HPSE2: variants seen among roughly 807,000 people sequenced by gnomAD.
HPSE2 encodes inactive heparanase-2.
In HPSE2, 38 loss-of-function variants were observed where a neutral mutation model predicts 60.5. The ratio of observed to expected loss-of-function variants is 0.63; its 90% confidence interval spans 0.48 to 0.82. The LOEUF (loss-of-function observed/expected upper bound fraction) is 0.82. HPSE2 is among the 40% of genes least tolerant of loss of function. HPSE2 has a pLI of 0.00. For synonymous variants in HPSE2, 295 were observed against 293.2 expected (o/e 1.01, Z -0.06); for missense variants, 713 against 740.4 (o/e 0.96, Z 0.43).
chr10:98,765,127 T>G (rs1039408169), intron 3 of HPSE2, among the ~76,000 whole-genome samples: 1 of 152,122 alleles, frequency 6.6e-6, no homozygotes, highest in African/African-American at 2.4e-5. Flanking sequence ...ATAGAACAAG[T>G]AGATGGAGAC....
At chr10:99,155,008 G>A (rs2135812800) in intron 2 of HPSE2, among the ~76,000 whole-genome samples, 1 of 150,844 alleles carries the variant, frequency 6.6e-6, no homozygotes, top group African/African-American at 2.4e-5. Context: ...GACAAAGAAG[G>A]ACATTACATA....
At chr10:99,028,694 A>T (rs900402644) in intron 3 of HPSE2, among the ~76,000 whole-genome samples, 39 of 152,214 alleles carry the variant, frequency 2.6e-4, no homozygotes, top group Admixed American at 1.3e-3. Context: ...CTAAGCAAAA[A>T]GAATAAAATT....
At chr10:99,305,979 G>GCGCGCGCACGCACACACACA in the HPSE2 span, among the ~76,000 whole-genome samples, 1 of 80,580 alleles carries the variant, frequency 1.2e-5, no homozygotes, top group East Asian at 3.7e-4. Flanking sequence ...GCGCGCGCGC[G>GCGCGCGCACGCACACACACA]CACACACACA....
intron 9 of HPSE2, among the ~76,000 whole-genome samples, chr10:98,491,223 T>A (rs1020746956): frequency 5.3e-5 from 8 of 151,888 alleles, no homozygotes; most frequent in African/African-American, 1.5e-4. Flanking sequence ...TTTTTTTTCT[T>A]GTGTGGTCAT....
intron 2 of HPSE2, among the ~76,000 whole-genome samples, chr10:99,154,044 T>C (rs1420468269): frequency 1.3e-5 from 2 of 150,534 alleles, no homozygotes; most frequent in Non-Finnish European, 3.0e-5. Context: ...AGAAGGGAAG[T>C]TTAGAGAAAA....
intron 3 of HPSE2, among the ~76,000 whole-genome samples, chr10:98,852,025 G>A (rs74352349): frequency 7.3e-5 from 11 of 151,602 alleles, no homozygotes; most frequent in South Asian, 2.1e-4. Flanking sequence ...CAGCACTACC[G>A]GTGTCCAGCT....
chr10:99,179,071 C>G (rs368343336), intron 2 of HPSE2, among the ~76,000 whole-genome samples: 3 of 152,114 alleles, frequency 2.0e-5, no homozygotes, highest in African/African-American at 7.2e-5. Context: ...ATTCAACACC[C>G]CTTCATGCTA....
intron 11 of HPSE2, among the ~76,000 whole-genome samples, chr10:98,480,385 G>T (rs1235411793): frequency 6.6e-6 from 1 of 152,110 alleles, no homozygotes; most frequent in Non-Finnish European, 1.5e-5. Flanking sequence ...TGCCTGGCTG[G>T]TTTCCTACAT....
Position 98,617,399 on chromosome 10 carries a change from CAT to C in HPSE2, c.1206-2383_1206-2382del, listed in dbSNP as rs539201214. Among the ~76,000 whole-genome samples the C allele has an allele frequency of 4.1e-4, 63 of 152,262 alleles. 1 individual carries two copies. The South Asian group carries it at 0.013, about 31-fold the overall frequency. On this transcript the variant is annotated intron_variant, in intron 8 of 11. Coordinates refer to ENST00000370552, the MANE Select transcript of HPSE2 (RefSeq NM_021828.5). The stretch of plus-strand genomic sequence containing the variant: ...CTACAGAGCTTAGCTTAGTGACCTG[CAT>C]AGAGTATATACTCAACAAATAAATA...
chr10:98,955,959 G>A (rs1456082486), intron 3 of HPSE2, among the ~76,000 whole-genome samples: 1 of 152,104 alleles, frequency 6.6e-6, no homozygotes, highest in African/African-American at 2.4e-5. Flanking sequence ...CCTCTCAGGA[G>A]TGAAGGGGAG....
chr10:98,686,649 C>T (rs149562079), intron 6 of HPSE2, among the ~76,000 whole-genome samples: 3 of 152,174 alleles, frequency 2.0e-5, no homozygotes, highest in Non-Finnish European at 2.9e-5. Flanking sequence ...AAGTGATCCT[C>T]CCATTGCAGC....
chr10:98,587,404 CAT>C (rs1944968407), intron 9 of HPSE2, among the ~76,000 whole-genome samples: 1 of 152,148 alleles, frequency 6.6e-6, no homozygotes, highest in African/African-American at 2.4e-5. Flanking sequence ...AGGTTATGGC[CAT>C]ATCATCAGAA....
At chr10:98,539,349 C>T (rs1479906534) in intron 9 of HPSE2, among the ~76,000 whole-genome samples, 4 of 152,080 alleles carry the variant, frequency 2.6e-5, no homozygotes, top group African/African-American at 7.2e-5. Context: ...TGGAGAAACC[C>T]CGTATCTACT....
rs761091903 is a variant in HPSE2 at position 99,126,722 on chromosome 10, C to T, written c.610+17516G>A. Among the ~76,000 whole-genome samples the T allele has an allele frequency of 3.3e-5, 5 of 152,200 alleles. No homozygotes were observed. The highest frequency in any genetic ancestry group is 4.4e-5 in the Non-Finnish European group (3 of 68,040). Reference sequence around the variant, plus strand: ...GCCAGCACACTAAACATAGCTACAACTAAGGACCCTGACACAGTCTAGTTT... The same window carrying T: ...GCCAGCACACTAAACATAGCTACAATTAAGGACCCTGACACAGTCTAGTTT... On this transcript the variant is annotated intron_variant, in intron 3 of 11. Coordinates refer to ENST00000370552, the MANE Select transcript of HPSE2 (RefSeq NM_021828.5). The surrounding 1 kb of genome is among the most constrained non-coding windows in gnomAD (Gnocchi z 4.0).
chr10:99,283,363 C>T, the HPSE2 span, among the ~76,000 whole-genome samples: 2 of 151,144 alleles, frequency 1.3e-5, no homozygotes, highest in African/African-American at 4.9e-5. Flanking sequence ...AACAGGCTGG[C>T]TGCAGTGGCT....
At chr10:98,912,408 G>A (rs150600325) in intron 3 of HPSE2, among the ~76,000 whole-genome samples, 33 of 152,194 alleles carry the variant, frequency 2.2e-4, no homozygotes, top group Non-Finnish European at 3.1e-4. Flanking sequence ...AGTAAAAATT[G>A]AACTGTCATA....
chr10:99,217,448 C>T (rs1849166141), intron 2 of HPSE2, among the ~76,000 whole-genome samples: 1 of 152,074 alleles, frequency 6.6e-6, no homozygotes, highest in Admixed American at 6.5e-5. Context: ...ATCTGAAGTG[C>T]ATTTGGCAAA....
chr10:98,694,672 A>G (rs1322393049), intron 5 of HPSE2, among the ~76,000 whole-genome samples: 1 of 152,224 alleles, frequency 6.6e-6, no homozygotes, highest in Non-Finnish European at 1.5e-5. Flanking sequence ...TCAATAGGCC[A>G]AGAAGATGCA....
At chr10:98,566,170 G>C (rs887554141) in intron 9 of HPSE2, among the ~76,000 whole-genome samples, 1 of 152,204 alleles carries the variant, frequency 6.6e-6, no homozygotes, top group African/African-American at 2.4e-5. Context: ...GAGGCGGTTA[G>C]TGAAGGTTAT....
Sources: allele counts gnomAD v4.1 joint callset (sites outside exome capture counted in the v4.1 genomes callset), GRCh38; gene constraint gnomAD v4.1.1; non-coding constraint Gnocchi (gnomAD v3.1); transcripts MANE v1.5; gene names NCBI Gene and HGNC (gene_info 2026-07-23, HGNC 2026-07-21).